Variants in ZNF665 observed in about 807,000 individuals in gnomAD.
ZNF665 encodes the protein zinc finger protein 665.
ZNF665 carries 6 observed loss-of-function variants against 7.9 expected under a neutral mutation model. The ratio of observed to expected loss-of-function variants is 0.76; its 90% CI spans 0.42 to 1.50. The LOEUF (loss-of-function observed/expected upper bound fraction) is 1.50, where lower values mean the gene tolerates loss of function less well. ZNF665 is among the 40% of genes most tolerant of loss of function. ZNF665 has a pLI of 0.01. For synonymous variants in ZNF665, 242 were observed against 274.5 expected (o/e 0.88, Z 1.17); for missense variants, 819 against 806.7 (o/e 1.02, Z -0.18).
chr19:53,167,244 C>A (rs71363311), intron 3 of ZNF665, among the ~76,000 whole-genome samples: 78,568 of 151,662 alleles, frequency 0.52, 22,993 homozygotes, highest in South Asian at 0.71. Context: ...CAGGTGATCC[C>A]CCCGCCTCAG....
Position 53,165,218 on chromosome 19 carries a change from A to G in ZNF665, c.1272T>C (p.His424=). The change falls in exon 4 of 4, where the codon CAT becomes CAC. Residue 424 remains histidine (H), a synonymous_variant. Coordinates refer to ENST00000396424, the MANE Select transcript of ZNF665 (RefSeq NM_024733.5). ...CACACCTGTAAGGTTTCTCTCCAGT[A>G]TGAATTCTTCGATGATTTGCTAAGT... ...YSHLANHRRI[H]TGEKPYRCDE... 3 of 1,614,092 alleles carry G rather than the reference A, an allele frequency of 1.9e-6. No individual in the cohort carries two copies. The highest frequency in any genetic ancestry group is 2.5e-6 in the Non-Finnish European group (3 of 1,179,998).
chr19:53,184,723 G>C (rs959064525), intron 1 of ZNF665, among the ~76,000 whole-genome samples: 2 of 152,168 alleles, frequency 1.3e-5, no homozygotes, highest in African/African-American at 4.8e-5. Flanking sequence ...TAAAAGAAAA[G>C]GCAGCTGGGC....
chr19:53,183,072 G>C, intron 1 of ZNF665, 129 bp from the exon 2 acceptor site: 1 of 1,020,216 alleles, frequency 9.8e-7, no homozygotes, highest in Non-Finnish European at 1.5e-6. Context: ...TATACACAGG[G>C]AAGATGGTCC....
intron 1 of ZNF665, among the ~76,000 whole-genome samples, chr19:53,184,203 T>C (rs1195465180): frequency 1.3e-5 from 2 of 151,694 alleles, no homozygotes; most frequent in Non-Finnish European, 2.9e-5. Flanking sequence ...TGAGCCAAGA[T>C]CACACCACTG....
At chr19:53,174,963 A>G (rs950680525) in intron 3 of ZNF665, among the ~76,000 whole-genome samples, 3 of 145,844 alleles carry the variant, frequency 2.1e-5, no homozygotes, top group Non-Finnish European at 4.5e-5. Flanking sequence ...AAAAAAAAAG[A>G]AAGAAAAGAA....
intron 1 of ZNF665, among the ~76,000 whole-genome samples, chr19:53,188,989 T>C (rs1302223430): frequency 6.6e-6 from 1 of 151,962 alleles, no homozygotes; most frequent in South Asian, 2.1e-4. Flanking sequence ...TGAGCCACCA[T>C]GCCCAGCCTT....
intron 3 of ZNF665, among the ~76,000 whole-genome samples, chr19:53,171,500 G>GTATA (rs1275920732): frequency 3.2e-5 from 1 of 31,274 alleles, no homozygotes; most frequent in African/African-American, 8.3e-5. Context: ...GTGTGTGTGT[G>GTATA]TGTGTATATA....
Position 53,165,891 on chromosome 19 carries a change from T to C in ZNF665, c.599A>G (p.His200Arg), listed in dbSNP as rs2090609713. Residue 200 changes from histidine to arginine, a missense_variant, in exon 4 of 4, where the codon CAT becomes CGT. Transcript: ENST00000396424. ...ACACTGGTAAGGCTTCTCTCCAGTA[T>C]GAATTCTCTTATGACTTGTTAGCCG... ...NSRLTSHKRIHTGEKPYQCNK... is the reference protein window; with the variant it reads ...NSRLTSHKRIRTGEKPYQCNK... 6.2e-7 allele frequency: 1 copy of C among 1,614,100 alleles called. No individual in the cohort carries two copies. Among genetic ancestry groups the C allele is most frequent in the African/African-American group, 1.3e-5 (1 of 74,934 alleles).
rs1266609511 is a variant in ZNF665 at position 53,164,875 on chromosome 19, G to A, written c.1615C>T (p.Gln539Ter). The change falls in exon 4 of 4, where the codon CAA (glutamine) becomes TAA (stop). Residue 539 changes from glutamine to a stop codon, truncating the protein, a stop_gained. Transcript: ENST00000396424. LOFTEE classifies it low-confidence loss of function (END_TRUNC). Reference sequence around the variant, plus strand: ...CAATCATTACATTTGTATGGTTTTTGTCCAGTATGTATTGTCTGATGTATA... The same window carrying A: ...CAATCATTACATTTGTATGGTTTTTATCCAGTATGTATTGTCTGATGTATA... ...LTIHQTIHTG[Q>*]KPYKCNDCGK... 3 of 1,613,732 alleles carry A rather than the reference G, an allele frequency of 1.9e-6. No homozygotes were observed. In the African/African-American group the frequency reaches 4.0e-5, roughly 22 times the overall value.
chr19:53,164,482 C>CAAGGTTTGAA lies in ZNF665; in HGVS notation c.1998_2007dup (p.Ala670PhefsTer11), dbSNP rs940984541. ...CCACTATGAATTCTTCGATGTTTTGCAAGGTTTGAATTTTGAGTAAAGACC... is the reference window on the plus strand; with the variant it reads ...CCACTATGAATTCTTCGATGTTTTGCAAGGTTTGAAAAGGTTTGAATTTTGAGTAAAGACC... On this transcript the variant is annotated frameshift_variant, in exon 4 of 4. Coordinates refer to ENST00000396424, the MANE Select transcript of ZNF665 (RefSeq NM_024733.5). LOFTEE classifies it low-confidence loss of function (END_TRUNC). 7 of 1,599,784 alleles carry CAAGGTTTGAA rather than the reference C, an allele frequency of 4.4e-6. No homozygotes were observed. In the African/African-American group the frequency reaches 6.7e-5, roughly 15 times the overall value.
chr19:53,178,791 C>T (rs1225769284), intron 2 of ZNF665, among the ~76,000 whole-genome samples: 1 of 152,032 alleles, frequency 6.6e-6, no homozygotes, highest in Non-Finnish European at 1.5e-5. Flanking sequence ...TAGAAAGATA[C>T]AGTAAAAAGT....
chr19:53,164,889 G>A lies in ZNF665; in HGVS notation c.1601C>T (p.Thr534Ile), dbSNP rs376555296. 9.9e-6 allele frequency: 16 copies of A among 1,613,982 alleles called. No homozygotes were observed. The highest frequency in any genetic ancestry group is 1.2e-5 in the Non-Finnish European group (14 of 1,180,038). Reference protein sequence around the residue: ...SVHSSLTIHQTIHTGQKPYKC... With the variant: ...SVHSSLTIHQIIHTGQKPYKC... ...GTATGGTTTTTGTCCAGTATGTATT[G>A]TCTGATGTATAGTTAGGCTTGAATG... Residue 534 changes from threonine (T) to isoleucine (I), a missense_variant, in exon 4 of 4, where the codon ACA (threonine) becomes ATA (isoleucine). Transcript: ENST00000396424.
At chr19:53,180,094 C>T (rs972817989) in intron 2 of ZNF665, 1 of 152,100 alleles carries the variant, frequency 6.6e-6, no homozygotes, top group African/African-American at 2.4e-5. Flanking sequence ...TATACACAAA[C>T]GCATTTATGT....
Position 53,163,506 on chromosome 19 carries a change from T to C in ZNF665, c.*947A>G, listed in dbSNP as rs2090578945. On this transcript the variant is annotated 3_prime_UTR_variant, in exon 4 of 4. Coordinates refer to ENST00000396424, the MANE Select transcript of ZNF665 (RefSeq NM_024733.5). ...GCAGAGTCTTTTTTCTTCAGGAGCT[T>C]GGAGAGAAATAATCCTCACCTAATG... 6.6e-6 allele frequency: 1 copy of C among 152,220 alleles called. No individual in the cohort carries two copies. 9.4% of individuals were successfully genotyped at this position (152,220 alleles called of 1,614,324 possible).
rs747127809 is a variant in ZNF665, at chr19:53,165,359, A to G, written c.1131T>C (p.Asn377=). Residue 377 remains asparagine (N), a synonymous_variant, in exon 4 of 4, where the codon AAT becomes AAC. Coordinates refer to ENST00000396424, the MANE Select transcript of ZNF665 (RefSeq NM_024733.5). The stretch of plus-strand genomic sequence containing the variant: ...GCATACTGAAGGCTTTCCCACACTC[A>G]TTACACTTGTAAGGTTTCTCACCAG... The part of the protein sequence containing the change: ...IHTGEKPYKC[N]ECGKAFSMHS... The G allele has an allele frequency of 6.2e-7, 1 of 1,614,152 alleles. No homozygotes were observed. Among genetic ancestry groups the G allele is most frequent in the South Asian group, 1.1e-5 (1 of 91,078 alleles).
chr19:53,188,855 G>A lies in ZNF665; in HGVS notation c.-46+4457C>T, dbSNP rs188469040. Among the ~76,000 whole-genome samples the A allele has an allele frequency of 2.6e-4, 40 of 151,898 alleles. 1 individual carries two copies. The highest frequency in any genetic ancestry group is 3.4e-4 in the Non-Finnish European group (23 of 68,016). On this transcript the variant is annotated intron_variant, in intron 1 of 3. Coordinates refer to ENST00000396424, the MANE Select transcript of ZNF665 (RefSeq NM_024733.5). ...TGGGATTAAAAGTGCACATCACCACGGCCAGCTAATTTTTGTATTTTTAGT... is the reference window on the plus strand; with the variant it reads ...TGGGATTAAAAGTGCACATCACCACAGCCAGCTAATTTTTGTATTTTTAGT...
intron 1 of ZNF665, among the ~76,000 whole-genome samples, chr19:53,189,812 G>A (rs565970040): frequency 6.6e-6 from 1 of 152,022 alleles, no homozygotes; most frequent in Admixed American, 6.5e-5. Context: ...CTAAGTAGCG[G>A]GTGTTTTCAT....
Position 53,162,537 on chromosome 19 carries a change from T to C in ZNF665, c.*1916A>G, listed in dbSNP as rs1388237826. On this transcript the variant is annotated 3_prime_UTR_variant, in exon 4 of 4. Transcript: ENST00000396424. Reference sequence around the variant, plus strand: ...GTAAATCCTAGTAACAAACATGGGATTCTGGTTACTTTGATTAAACTTCTT... The same window carrying C: ...GTAAATCCTAGTAACAAACATGGGACTCTGGTTACTTTGATTAAACTTCTT... 6.6e-6 allele frequency: 1 copy of C among 152,084 alleles called. No individual in the cohort carries two copies. Among genetic ancestry groups the C allele is most frequent in the Non-Finnish European group, 1.5e-5 (1 of 68,016 alleles). The allele number at this position is 152,084 out of a possible 1,614,324, so 9.4% of individuals were successfully genotyped here. A position where few individuals can be genotyped will look rare whatever the true frequency, so the allele number is the denominator to read the frequency against.
intron 1 of ZNF665, among the ~76,000 whole-genome samples, chr19:53,191,159 C>T (rs1007018429): frequency 6.6e-6 from 1 of 151,990 alleles, no homozygotes; most frequent in Non-Finnish European, 1.5e-5. Context: ...AGACAGTGTC[C>T]GAATTGAATT....
Sources: allele counts gnomAD v4.1 joint callset (sites outside exome capture counted in the v4.1 genomes callset), GRCh38; gene constraint gnomAD v4.1.1; transcripts MANE v1.5; gene names NCBI Gene and HGNC (gene_info 2026-07-23, HGNC 2026-07-21).